The following CCDC97 variants were observed in gnomAD, a reference collection of about 807,000 sequenced individuals.
CCDC97 encodes coiled-coil domain-containing protein 97.
A neutral mutation model predicts 33.9 loss-of-function variants in CCDC97; 27 were observed. The ratio of observed to expected loss-of-function variants is 0.80; its 90% CI spans 0.59 to 1.10. CCDC97 has a LOEUF of 1.10. CCDC97 is among the 50% of genes least tolerant of loss of function. The pLI is 0.00. For missense variants in CCDC97, 422 were observed against 476.6 expected (o/e 0.89, Z 1.07); for synonymous variants, 217 against 194.0 (o/e 1.12, Z -0.99).
rs777280964 is a variant in CCDC97 at position 41,316,741 on chromosome 19, A to G, written c.404A>G (p.Tyr135Cys). The stretch of plus-strand genomic sequence containing the variant: ...CGTGGCGACCACCGTGCAGACTTCT[A>G]CTGTGCTGAGGTGGCCCGGCAGGGC... The part of the protein sequence containing the change: ...HVRGDHRADF[Y>C]CAEVARQGTA... The change falls in exon 2 of 5, where the codon TAC (tyrosine) becomes TGC (cysteine). Residue 135 changes from tyrosine to cysteine, a missense_variant. Transcript: ENST00000269967. 9 of 1,613,712 alleles carry G rather than the reference A, an allele frequency of 5.6e-6. No individual in the cohort carries two copies. Among genetic ancestry groups the G allele is most frequent in the African/African-American group, 2.7e-5 (2 of 74,920 alleles).
chr19:41,319,533 A>T, intron 2 of CCDC97, 41 bp from the exon 3 acceptor site: 1 of 1,421,164 alleles, frequency 7.0e-7, no homozygotes, highest in Non-Finnish European at 9.8e-7. Flanking sequence ...CTATCTGCTC[A>T]GTCGCTCACC....
Position 41,320,362 on chromosome 19 carries a change from C to CG in CCDC97, c.805dup (p.Glu269GlyfsTer34). 9.3e-6 allele frequency: 15 copies of CG among 1,614,030 alleles called. No individual in the cohort carries two copies. The highest frequency in any genetic ancestry group is 1.3e-5 in the Non-Finnish European group (15 of 1,179,996). On this transcript the variant is annotated frameshift_variant, in exon 4 of 5. Coordinates refer to ENST00000269967, the MANE Select transcript of CCDC97 (RefSeq NM_052848.3). LOFTEE classifies it high-confidence loss of function. ...GCAGACCAGAGGTCAGGCAAGGACT[C>CG]GGAGGCCTGGGTTCCCGACTCGGAG...
At chr19:41,316,356 T>C in intron 1 of CCDC97, 28 bp from the exon 2 acceptor site, 1 of 1,583,466 alleles carries the variant, frequency 6.3e-7, no homozygotes, top group Non-Finnish European at 8.6e-7. Context: ...CTCCCATCTC[T>C]GAACTAACCA....
At position 41,319,845 on chromosome 19, in the gene CCDC97, C is replaced by T. The variant is rs766493539; in HGVS notation, c.774C>T (p.Asp258=). ...AAGAGGAAGAGGAGGAGGACAGTGA[C>T]GAGGAAGGTGAGGGCCAGTAGCAGG... is the stretch of plus-strand genomic sequence containing the variant. ...LEEEEEEEDS[D]EEDQRSGKDS... The change falls in exon 3 of 5, where the codon GAC becomes GAT. Residue 258 remains aspartate, a synonymous_variant. Transcript: ENST00000269967. 36 of 1,490,438 alleles carry T rather than the reference C, an allele frequency of 2.4e-5. No homozygotes were observed. The highest frequency in any genetic ancestry group is 1.4e-4 in the East Asian group (6 of 43,300). The allele number at this position is 1,490,438 out of a possible 1,614,324, so 92.3% of individuals were successfully genotyped here.
intron 1 of CCDC97, among the ~76,000 whole-genome samples, chr19:41,314,308 G>A (rs12980839): frequency 0.33 from 50,479 of 151,956 alleles, 9,481 homozygotes; most frequent in African/African-American, 0.51. Context: ...CACAATGGCT[G>A]ATTTTGTATT....
In CCDC97 at chr19:41,322,978, G is replaced by GTC. The variant is rs1242578925; in HGVS notation, c.*265_*266dup. 5 of 298,158 alleles carry GTC rather than the reference G, an allele frequency of 1.7e-5. No homozygotes were observed. Among genetic ancestry groups the GTC allele is most frequent in the Non-Finnish European group, 1.3e-5 (2 of 156,272 alleles). 18.5% of individuals were successfully genotyped at this position (298,158 alleles called of 1,614,324 possible). A position where few individuals can be genotyped will look rare whatever the true frequency, so the allele number is the denominator to read the frequency against. On this transcript the variant is annotated 3_prime_UTR_variant, in exon 5 of 5. Coordinates refer to ENST00000269967, the MANE Select transcript of CCDC97 (RefSeq NM_052848.3). ...TCTGGGCTTCTTTCTGTCTCTTTCT[G>GTC]TCTTTCTGTCTCTCTCCCTACCCCC...
intron 4 of CCDC97, among the ~76,000 whole-genome samples, chr19:41,322,256 G>C (rs531345365): frequency 6.6e-6 from 1 of 152,212 alleles, no homozygotes; most frequent in Admixed American, 6.5e-5. Flanking sequence ...CACCACGCCT[G>C]GCTACTTTTT....
At chr19:41,317,742 A>G (rs1215397998) in intron 2 of CCDC97, among the ~76,000 whole-genome samples, 1 of 151,186 alleles carries the variant, frequency 6.6e-6, no homozygotes, top group Non-Finnish European at 1.5e-5. Context: ...AGATGTGGAA[A>G]TGAGGATGAA....
At chr19:41,310,401 G>C (rs1443552270) in intron 1 of CCDC97, 45 bp downstream of exon 1, 1 of 1,575,228 alleles carries the variant, frequency 6.3e-7, no homozygotes, top group African/African-American at 1.3e-5. Context: ...TGCGGTTGCG[G>C]TGTCTCTAGG....
intron 1 of CCDC97, among the ~76,000 whole-genome samples, chr19:41,314,465 TGGTTGGGTG>T (rs2037721717): frequency 6.6e-6 from 1 of 151,936 alleles, no homozygotes; most frequent in African/African-American, 2.4e-5. Context: ...TATTAAAGAG[TGGTTGGGTG>T]AACGCATGAA....
At chr19:41,321,934 A>G (rs543749547) in intron 4 of CCDC97, among the ~76,000 whole-genome samples, 161 of 152,292 alleles carry the variant, frequency 1.1e-3, no homozygotes, top group African/African-American at 3.7e-3. Context: ...CCCGGCCTCT[A>G]TCCACTGGAG....
Position 41,323,727 on chromosome 19 carries a change from G to C in CCDC97, c.*1012G>C, listed in dbSNP as rs757133509. The C allele has an allele frequency of 1.9e-5, 3 of 155,344 alleles. No individual in the cohort carries two copies. Among genetic ancestry groups the C allele is most frequent in the Non-Finnish European group, 2.9e-5 (2 of 69,818 alleles). The allele number at this position is 155,344 out of a possible 1,614,324, so 9.6% of individuals were successfully genotyped here. A position where few individuals can be genotyped will look rare whatever the true frequency, so the allele number is the denominator to read the frequency against. The stretch of plus-strand genomic sequence containing the variant: ...CACAGGCTGTTATCATGGGTCCTGA[G>C]TCATCCCACACACAGCCTGCCCCAG... On this transcript the variant is annotated 3_prime_UTR_variant, in exon 5 of 5. Coordinates refer to ENST00000269967, the MANE Select transcript of CCDC97 (RefSeq NM_052848.3).
chr19:41,319,471 T>G, intron 2 of CCDC97, 103 bp from the exon 3 acceptor site: 1 of 847,780 alleles, frequency 1.2e-6, no homozygotes, highest in Non-Finnish European at 1.9e-6. Context: ...ACACTTGGAC[T>G]GTGTATGCAC....
rs776298829 is a variant in CCDC97 at position 41,319,792 on chromosome 19, C to CAGG, written c.734_736dup (p.Glu245dup). ...GCTACAGCAGCGTCTGCTCCAACAG[C>CAGG]AGGAGGAGGAGGAGGCCTGCTTGGA... On this transcript the variant is annotated inframe_insertion, in exon 3 of 5. Transcript: ENST00000269967. 6.2e-7 allele frequency: 1 copy of CAGG among 1,610,212 alleles called. No individual in the cohort carries two copies. The highest frequency in any genetic ancestry group is 8.5e-7 in the Non-Finnish European group (1 of 1,178,308).
At chr19:41,313,474 C>T (rs1273328945) in intron 1 of CCDC97, among the ~76,000 whole-genome samples, 1 of 152,190 alleles carries the variant, frequency 6.6e-6, no homozygotes, top group Non-Finnish European at 1.5e-5. Flanking sequence ...TCCACAGCCC[C>T]TGCCCTTGTC....
At chr19:41,320,206 ATC>A in intron 3 of CCDC97, 133 bp from the exon 4 acceptor site, 1 of 1,145,298 alleles carries the variant, frequency 8.7e-7, no homozygotes, top group Non-Finnish European at 1.3e-6. Context: ...GACCAGGGCC[ATC>A]TCTGTCACTA....
intron 1 of CCDC97, among the ~76,000 whole-genome samples, chr19:41,311,562 A>G (rs1341837732): frequency 3.3e-5 from 5 of 152,042 alleles, no homozygotes; most frequent in Admixed American, 2.6e-4. Context: ...GCGAAACCCC[A>G]TCTCTACTAA....
chr19:41,315,372 G>A (rs561815504), intron 1 of CCDC97, among the ~76,000 whole-genome samples: 14 of 150,038 alleles, frequency 9.3e-5, no homozygotes, highest in East Asian at 6.0e-4. Context: ...TTGGGAGGCC[G>A]AAGGGGAGTG....
At position 41,316,387 on chromosome 19, in the gene CCDC97, G is replaced by T; in HGVS notation, c.50G>T (p.Cys17Phe). 1 of 1,608,044 alleles carries T rather than the reference G, an allele frequency of 6.2e-7. No homozygotes were observed. The highest frequency in any genetic ancestry group is 8.5e-7 in the Non-Finnish European group (1 of 1,175,068). Residue 17 changes from cysteine to phenylalanine, a missense_variant, in exon 2 of 5, where the codon TGC becomes TTC. Physicochemically the swap from Cys to Phe is radical, Grantham distance 205 (BLOSUM62 -2). Coordinates refer to ENST00000269967, the MANE Select transcript of CCDC97 (RefSeq NM_052848.3). ...AACCAATCTCTCCTTTCCTCAGGCTGCATAGAGCCTGGACCTGGGCACTGG... is the reference window on the plus strand; with the variant it reads ...AACCAATCTCTCCTTTCCTCAGGCTTCATAGAGCCTGGACCTGGGCACTGG... ...ATAAKEPDKG[C>F]IEPGPGHWGE...
Sources: gnomAD v4.1 joint callset for allele counts (sites outside exome capture counted in the v4.1 genomes callset) on GRCh38, gnomAD v4.1.1 for gene constraint, MANE v1.5 for transcripts, NCBI Gene and HGNC (gene_info 2026-07-23, HGNC 2026-07-21) for gene names.